GABBR2: variants seen among roughly 807,000 people sequenced by gnomAD.
GABBR2 encodes gamma-aminobutyric acid type B receptor subunit 2.
Under a neutral mutation model 105.6 loss-of-function variants are expected in GABBR2, and 23 were observed. That is an observed-to-expected ratio of 0.22 (90% CI 0.16 to 0.31). GABBR2 has a LOEUF of 0.31. Ranked by LOEUF, GABBR2 falls within the 10% of genes least tolerant of loss-of-function variation. The pLI is 1.00. For missense variants in GABBR2, 734 were observed against 1,245.5 expected (o/e 0.59, Z 6.18); for synonymous variants, 478 against 499.7 (o/e 0.96, Z 0.58).
chr9:98,596,704 C>T (rs1336207651), intron 1 of GABBR2, among the ~76,000 whole-genome samples: 1 of 152,200 alleles, frequency 6.6e-6, no homozygotes, highest in Non-Finnish European at 1.5e-5. Context: ...GGCTTTTAGA[C>T]CCTGCCGCCC....
chr9:98,564,384 C>T (rs762779102), intron 2 of GABBR2, among the ~76,000 whole-genome samples: 7 of 152,196 alleles, frequency 4.6e-5, no homozygotes, highest in Non-Finnish European at 1.0e-4. Context: ...ACTGGGACAA[C>T]GCCTGCTCTT....
intron 1 of GABBR2, among the ~76,000 whole-genome samples, chr9:98,620,107 C>T (rs1354155127): frequency 6.6e-6 from 1 of 152,216 alleles, no homozygotes; most frequent in East Asian, 1.9e-4. Flanking sequence ...CAGCAAATGC[C>T]AATTCTCCCA....
At chr9:98,698,806 C>T (rs984817583) in intron 1 of GABBR2, among the ~76,000 whole-genome samples, 35 of 152,132 alleles carry the variant, frequency 2.3e-4, no homozygotes, top group African/African-American at 7.9e-4. Context: ...CCTTTACTCA[C>T]AATCTTGGTT....
At chr9:98,320,924 C>T (rs556426093) in intron 13 of GABBR2, among the ~76,000 whole-genome samples, 21 of 151,180 alleles carry the variant, frequency 1.4e-4, no homozygotes, top group South Asian at 1.0e-3. Flanking sequence ...CACATGTATA[C>T]GCATGTAACT....
intron 13 of GABBR2, among the ~76,000 whole-genome samples, chr9:98,326,738 C>A (rs1830931450): frequency 6.6e-6 from 1 of 152,226 alleles, no homozygotes; most frequent in Non-Finnish European, 1.5e-5. Flanking sequence ...TTAGAGGTTC[C>A]TTATTGGACC....
At chr9:98,617,439 C>T (rs1829602543) in intron 1 of GABBR2, among the ~76,000 whole-genome samples, 1 of 152,220 alleles carries the variant, frequency 6.6e-6, no homozygotes, top group African/African-American at 2.4e-5. Flanking sequence ...CACTGAATGA[C>T]TGGGAGCCCC....
chr9:98,488,134 G>A (rs772167321), intron 4 of GABBR2, among the ~76,000 whole-genome samples: 25 of 152,182 alleles, frequency 1.6e-4, no homozygotes, highest in Non-Finnish European at 3.2e-4. Context: ...GAACTTGGCC[G>A]CACTGACACC....
At chr9:98,412,391 G>A (rs1454380401) in intron 7 of GABBR2, among the ~76,000 whole-genome samples, 1 of 152,236 alleles carries the variant, frequency 6.6e-6, no homozygotes, top group African/African-American at 2.4e-5. Context: ...GTTGTCGAGT[G>A]TGCCTTTGGG....
intron 13 of GABBR2, among the ~76,000 whole-genome samples, chr9:98,331,374 A>C: frequency 7.1e-6 from 1 of 139,956 alleles, no homozygotes; most frequent in African/African-American, 2.7e-5. Flanking sequence ...TTCTTTGAAG[A>C]CTTGGGGGAA....
intron 13 of GABBR2, among the ~76,000 whole-genome samples, chr9:98,349,069 A>G (rs777718850): frequency 2.6e-5 from 4 of 152,174 alleles, no homozygotes; most frequent in Non-Finnish European, 5.9e-5. Flanking sequence ...GGTTTGTCAT[A>G]GATGGCCTTT....
chr9:98,456,244 T>C (rs996323046), intron 6 of GABBR2, among the ~76,000 whole-genome samples: 2 of 152,166 alleles, frequency 1.3e-5, no homozygotes, highest in African/African-American at 4.8e-5. Flanking sequence ...TCACATCAAG[T>C]TGGCTTGCAC....
chr9:98,500,636 G>A (rs545984299), intron 3 of GABBR2, among the ~76,000 whole-genome samples: 1 of 152,254 alleles, frequency 6.6e-6, no homozygotes. Context: ...CATTCGGCAT[G>A]GAGAGAATGG....
chr9:98,568,005 T>C (rs1488237143), intron 2 of GABBR2, among the ~76,000 whole-genome samples: 1 of 152,198 alleles, frequency 6.6e-6, no homozygotes, highest in Admixed American at 6.5e-5. Context: ...AGTGAATGAA[T>C]GAATGATTGG....
intron 1 of GABBR2, among the ~76,000 whole-genome samples, chr9:98,596,344 G>T (rs1240245579): frequency 6.6e-6 from 1 of 152,214 alleles, no homozygotes; most frequent in African/African-American, 2.4e-5. Flanking sequence ...CCCTGCACCT[G>T]CACACACTGA....
chr9:98,666,372 T>C (rs1019308085), intron 1 of GABBR2, among the ~76,000 whole-genome samples: 4 of 152,218 alleles, frequency 2.6e-5, no homozygotes, highest in African/African-American at 9.6e-5. Context: ...AGTGACCCAC[T>C]TGGAGAATTC....
intron 13 of GABBR2, among the ~76,000 whole-genome samples, chr9:98,347,752 T>C (rs1005742260): frequency 2.0e-5 from 3 of 152,196 alleles, no homozygotes; most frequent in African/African-American, 7.2e-5. Flanking sequence ...TTTTTGTGTA[T>C]GGTGAGAAAT....
intron 1 of GABBR2, among the ~76,000 whole-genome samples, chr9:98,675,794 G>A (rs1440414592): frequency 6.6e-6 from 1 of 152,140 alleles, no homozygotes; most frequent in African/African-American, 2.4e-5. Flanking sequence ...GATATTGGTT[G>A]AACCAATGAA....
chr9:98,514,018 C>G (rs542132903), intron 3 of GABBR2, among the ~76,000 whole-genome samples: 2 of 151,674 alleles, frequency 1.3e-5, no homozygotes, highest in Non-Finnish European at 2.9e-5. Context: ...AAATATCCAA[C>G]GATAGACTGG....
In GABBR2 at chr9:98,510,486, A is replaced by C. The variant is rs201534649; in HGVS notation, c.631-13972T>G. Among the ~76,000 whole-genome samples the C allele has an allele frequency of 7.2e-5, 11 of 152,252 alleles. No individual in the cohort carries two copies. In the South Asian group the frequency reaches 1.9e-3, roughly 26 times the overall value. On this transcript the variant is annotated intron_variant, in intron 3 of 18. Transcript: ENST00000259455. ...AAGACACAGACTGGCAAATTGGATAAAGAGTCAAGACCCATCAGTGTGCTG... is the reference window on the plus strand; with the variant it reads ...AAGACACAGACTGGCAAATTGGATACAGAGTCAAGACCCATCAGTGTGCTG...
Sources: gnomAD v4.1 joint callset for allele counts (sites outside exome capture counted in the v4.1 genomes callset) on GRCh38, gnomAD v4.1.1 for gene constraint, MANE v1.5 for transcripts, NCBI Gene and HGNC (gene_info 2026-07-23, HGNC 2026-07-21) for gene names.